The following MIPOL1 variants were observed in gnomAD, a reference collection of about 807,000 sequenced individuals.
MIPOL1 encodes mirror-image polydactyly 1, also known as mirror-image polydactyly gene 1 protein.
In MIPOL1, 57 loss-of-function variants were observed where a neutral mutation model predicts 60.9. The observed-to-expected ratio is 0.94, with a 90% CI of 0.76 to 1.17. The LOEUF is 1.17. Ranked by LOEUF, MIPOL1 falls within the 50% of genes most tolerant of loss-of-function variation. The probability of loss-of-function intolerance (pLI) is 0.00; values close to 1 mark genes in which losing one functional copy is unlikely to be tolerated. For missense variants in MIPOL1, 551 were observed against 511.6 expected (o/e 1.08, Z -0.74); for synonymous variants, 179 against 168.8 (o/e 1.06, Z -0.47).
intron 11 of MIPOL1, among the ~76,000 whole-genome samples, chr14:37,471,605 C>T (rs578134566): frequency 1.3e-5 from 2 of 152,230 alleles, no homozygotes; most frequent in South Asian, 2.1e-4. Context: ...TTAGTAGTTT[C>T]TCATTTGCCC....
intron 12 of MIPOL1, among the ~76,000 whole-genome samples, chr14:37,521,357 T>C (rs1233484734): frequency 6.6e-6 from 1 of 152,216 alleles, no homozygotes; most frequent in African/African-American, 2.4e-5. Flanking sequence ...AGTATTATTA[T>C]TCTAATTTGT....
At chr14:37,365,455 A>T (rs1227759356) in intron 9 of MIPOL1, among the ~76,000 whole-genome samples, 1 of 152,176 alleles carries the variant, frequency 6.6e-6, no homozygotes, top group African/African-American at 2.4e-5. Context: ...TTCAGCATCT[A>T]TTGAAATGAT....
intron 7 of MIPOL1, among the ~76,000 whole-genome samples, chr14:37,297,360 C>G (rs536063751): frequency 1.0e-3 from 159 of 152,206 alleles, no homozygotes; most frequent in Non-Finnish European, 2.1e-3. Context: ...ACTGAATGAA[C>G]AAAAACTGGA....
At chr14:37,211,840 G>A (rs528960580) in intron 1 of MIPOL1, among the ~76,000 whole-genome samples, 3 of 151,788 alleles carry the variant, frequency 2.0e-5, no homozygotes, top group Middle Eastern at 3.4e-3. Context: ...GGAGAGGGAC[G>A]AGTGGGGAGG....
At position 37,298,039 on chromosome 14, in the gene MIPOL1, G is replaced by A. The variant is rs563582709; in HGVS notation, c.624-10017G>A. Among the ~76,000 whole-genome samples the A allele has an allele frequency of 2.6e-5, 4 of 152,234 alleles. No individual in the cohort carries two copies. In the East Asian group the frequency reaches 7.7e-4, roughly 29 times the overall value. ...CAAAGCTGGAGGCATCATGCTACCT[G>A]ACTTCAAACTATACTACAAGGCTAC... On this transcript the variant is annotated intron_variant, in intron 7 of 12. Transcript: ENST00000684589.
rs549796954 is a variant in MIPOL1, at chr14:37,366,118, T to C, written c.829-3399T>C. 3.1e-3 allele frequency among the ~76,000 whole-genome samples: 471 copies of C among 152,006 alleles called. 3 individuals are homozygous for C. Among genetic ancestry groups the C allele is most frequent in the African/African-American group, 9.7e-3 (402 of 41,560 alleles). On this transcript the variant is annotated intron_variant, in intron 9 of 12. Coordinates refer to ENST00000684589, the MANE Select transcript of MIPOL1 (RefSeq NM_001388067.1). ...TCCTTTTTTCTTAGTCTGGCTTTTGTTATATTGATCTCTTGTATTTTTTTT... is the reference window on the plus strand; with the variant it reads ...TCCTTTTTTCTTAGTCTGGCTTTTGCTATATTGATCTCTTGTATTTTTTTT...
intron 11 of MIPOL1, among the ~76,000 whole-genome samples, chr14:37,478,266 T>C (rs1444991234): frequency 2.6e-5 from 4 of 152,176 alleles, no homozygotes; most frequent in African/African-American, 4.8e-5. Flanking sequence ...TGACATGTAA[T>C]AGTGTACTGG....
intron 10 of MIPOL1, among the ~76,000 whole-genome samples, chr14:37,383,020 T>A (rs1183536593): frequency 2.0e-5 from 3 of 151,838 alleles, no homozygotes; most frequent in Non-Finnish European, 4.4e-5. Flanking sequence ...AAATTTCATG[T>A]ATCTTCAGAT....
intron 3 of MIPOL1, among the ~76,000 whole-genome samples, chr14:37,258,643 C>T (rs1975360676): frequency 6.6e-6 from 1 of 151,992 alleles, no homozygotes; most frequent in African/African-American, 2.4e-5. Flanking sequence ...AATTATATAG[C>T]CTAAGCTGTA....
intron 10 of MIPOL1, among the ~76,000 whole-genome samples, chr14:37,384,404 A>G (rs2093010522): frequency 6.6e-6 from 1 of 151,958 alleles, no homozygotes; most frequent in Admixed American, 6.6e-5. Flanking sequence ...AGCTACTGAT[A>G]TAAAATTGTC....
chr14:37,534,810 C>CT (rs1191860935), intron 12 of MIPOL1, among the ~76,000 whole-genome samples: 81 of 152,272 alleles, frequency 5.3e-4, no homozygotes, highest in African/African-American at 1.9e-3. Flanking sequence ...ATCTAATACA[C>CT]TTAGTGCTGC....
rs56361320 is a variant in MIPOL1 at position 37,394,057 on chromosome 14, CATATATATATATATATAT to C, written c.936+24444_936+24461del. Among the ~76,000 whole-genome samples the C allele has an allele frequency of 1.1e-4, 8 of 73,310 alleles. 1 individual carries two copies. Among genetic ancestry groups the C allele is most frequent in the East Asian group, 6.0e-4 (1 of 1,670 alleles). The allele number at this position is 73,310 out of a possible 152,430, so 48.1% of individuals were successfully genotyped here. ...ATTCCTTTTTATGGCTTAGTAGTGG[CATATATATATATATATAT>C]ATATATATATCTCCATGTTCTATCA... On this transcript the variant is annotated intron_variant, in intron 10 of 12. Coordinates refer to ENST00000684589, the MANE Select transcript of MIPOL1 (RefSeq NM_001388067.1).
At chr14:37,260,848 GC>G (rs1371396711) in intron 3 of MIPOL1, among the ~76,000 whole-genome samples, 6 of 152,056 alleles carry the variant, frequency 3.9e-5, no homozygotes, top group South Asian at 4.1e-4. Flanking sequence ...GAAGATAGGA[GC>G]CTGTGGTCTA....
At chr14:37,251,785 G>A (rs148025203) in intron 3 of MIPOL1, among the ~76,000 whole-genome samples, 198 of 151,922 alleles carry the variant, frequency 1.3e-3, no homozygotes, top group African/African-American at 4.4e-3. Flanking sequence ...GCAGATACAT[G>A]GTTAAGTAGT....
chr14:37,522,804 T>C (rs1453699378), intron 12 of MIPOL1, among the ~76,000 whole-genome samples: 1 of 152,090 alleles, frequency 6.6e-6, no homozygotes, highest in Non-Finnish European at 1.5e-5. Context: ...ATCCAGTGAA[T>C]AGTAAAATAA....
At chr14:37,421,633 T>G (rs987591709) in intron 10 of MIPOL1, among the ~76,000 whole-genome samples, 2 of 152,096 alleles carry the variant, frequency 1.3e-5, no homozygotes, top group Admixed American at 6.6e-5. Flanking sequence ...CATCTTAAAT[T>G]TAACTATAAA....
rs1964613075 is a variant in MIPOL1 at position 37,198,043 on chromosome 14, G to T, written c.-260G>T. The T allele has an allele frequency of 6.6e-6, 1 of 152,242 alleles. No homozygotes were observed. The allele number at this position is 152,242 out of a possible 1,614,324, so 9.4% of individuals were successfully genotyped here. Reference sequence around the variant, plus strand: ...TGGCTGACGCGGTGGCTGCGCACTCGGCCTGAGAAACTCGGCAAGCGCGCA... The same window carrying T: ...TGGCTGACGCGGTGGCTGCGCACTCTGCCTGAGAAACTCGGCAAGCGCGCA... On this transcript the variant is annotated 5_prime_UTR_variant, in exon 1 of 13. Coordinates refer to ENST00000684589, the MANE Select transcript of MIPOL1 (RefSeq NM_001388067.1).
chr14:37,454,365 A>G (rs1294244974), intron 11 of MIPOL1, among the ~76,000 whole-genome samples: 1 of 152,132 alleles, frequency 6.6e-6, no homozygotes, highest in Admixed American at 6.5e-5. Context: ...GCAGTCTACC[A>G]CAGAAGGTGT....
At chr14:37,404,455 A>G (rs1366470896) in intron 10 of MIPOL1, among the ~76,000 whole-genome samples, 1 of 152,192 alleles carries the variant, frequency 6.6e-6, no homozygotes, top group Non-Finnish European at 1.5e-5. Flanking sequence ...CAAAGAACTT[A>G]AGTGCTTAGC....
Sources: allele counts gnomAD v4.1 joint callset (sites outside exome capture counted in the v4.1 genomes callset), GRCh38; gene constraint gnomAD v4.1.1; transcripts MANE v1.5; gene names NCBI Gene and HGNC (gene_info 2026-07-23, HGNC 2026-07-21).